Variants in IRAG2 observed in about 807,000 individuals in gnomAD.
The protein encoded by IRAG2 is inositol 1,4,5-triphosphate receptor associated 2, also known as lymphoid restricted membrane protein.
A neutral mutation model predicts 69.9 loss-of-function variants in IRAG2; 45 were observed. The observed-to-expected ratio is 0.64, with a 90% CI of 0.51 to 0.83. The LOEUF (loss-of-function observed/expected upper bound fraction) is 0.83. IRAG2 is among the 40% of genes least tolerant of loss of function. The pLI, the probability that IRAG2 is intolerant of heterozygous loss-of-function variation, is 0.00. For synonymous variants in IRAG2, 193 were observed against 202.4 expected (o/e 0.95, Z 0.40); for missense variants, 520 against 587.0 (o/e 0.89, Z 1.18).
At chr12:25,001,183 A>G (rs1944388909), upstream of IRAG2, among the ~76,000 whole-genome samples, 1 of 152,188 alleles carries the variant, frequency 6.6e-6, no homozygotes, top group African/African-American at 2.4e-5. Flanking sequence ...CTTATCAACC[A>G]CAAAGCAGGG....
chr12:25,039,715 C>A (rs930111317), intron 16 of IRAG2, among the ~76,000 whole-genome samples: 4 of 152,222 alleles, frequency 2.6e-5, no homozygotes, highest in Admixed American at 6.5e-5. Context: ...CAGGCGTGAG[C>A]CACCACACCC....
In IRAG2 at chr12:25,061,644, G is replaced by A; in HGVS notation, c.-394G>A. On this transcript the variant is annotated 5_prime_UTR_variant, in exon 2 of 22. Coordinates refer to ENST00000556887, the MANE Select transcript of IRAG2 (RefSeq NM_001366544.2). The stretch of plus-strand genomic sequence containing the variant: ...TCATTGAAGGGGAACACCATGGCTT[G>A]CTGTTTCAGGTAAAATATCTCTGAT... 2.5e-6 allele frequency: 1 copy of A among 398,610 alleles called. No homozygotes were observed. The highest frequency in any genetic ancestry group is 4.4e-6 in the Non-Finnish European group (1 of 226,050). The allele number at this position is 398,610 out of a possible 1,614,324, so 24.7% of individuals were successfully genotyped here.
intron 8 of IRAG2, among the ~76,000 whole-genome samples, chr12:25,025,454 T>TTA (rs1944613249): frequency 1.3e-5 from 2 of 152,084 alleles, no homozygotes; most frequent in Non-Finnish European, 2.9e-5. Context: ...AGCTGGAGGG[T>TTA]CCAGACACAA....
At chr12:25,054,986 C>T (rs890998079) in intron 1 of IRAG2, among the ~76,000 whole-genome samples, 1 of 152,216 alleles carries the variant, frequency 6.6e-6, no homozygotes, top group Non-Finnish European at 1.5e-5. Context: ...ATTTCTGAGT[C>T]AGACATCTGA....
chr12:25,027,144 A>G (rs189410576), intron 9 of IRAG2, among the ~76,000 whole-genome samples: 6 of 151,970 alleles, frequency 3.9e-5, no homozygotes, highest in Admixed American at 1.3e-4. Flanking sequence ...TTGTACAACC[A>G]TCTCCAAAAT....
At chr12:25,059,792 AAG>A (rs1460530814) in intron 1 of IRAG2, among the ~76,000 whole-genome samples, 37 of 152,352 alleles carry the variant, frequency 2.4e-4, no homozygotes, top group Admixed American at 4.6e-4. Context: ...TACCAAAAAA[AAG>A]TCCTATAAAA....
upstream of IRAG2, among the ~76,000 whole-genome samples, chr12:25,002,917 C>T (rs1481321869): frequency 2.0e-5 from 3 of 152,202 alleles, no homozygotes; most frequent in Admixed American, 2.0e-4. Context: ...GTTGGGATTA[C>T]AGGCGTGAGC....
intron 16 of IRAG2, among the ~76,000 whole-genome samples, chr12:25,044,489 A>C (rs1944776360): frequency 7.8e-6 from 1 of 127,486 alleles, no homozygotes. Flanking sequence ...GAACATATTA[A>C]ATTTTAAAAA....
Position 25,103,890 on chromosome 12 carries a change from T to C in IRAG2, c.987T>C (p.Asn329=), listed in dbSNP as rs769118762. The part of the protein sequence containing the change: ...TIASLPRNIG[N]AGMVAGMENN... Reference sequence around the variant, plus strand: ...CCTCTTTACCCAGAAATATTGGAAATGCAGGAATGGTAAGACAATTCCTAA... The same window carrying C: ...CCTCTTTACCCAGAAATATTGGAAACGCAGGAATGGTAAGACAATTCCTAA... The change falls in exon 18 of 22, where the codon AAT becomes AAC. Residue 329 remains asparagine, a synonymous_variant. Transcript: ENST00000556887. The C allele has an allele frequency of 4.3e-6, 7 of 1,613,006 alleles. No homozygotes were observed. In the Admixed American group the frequency reaches 1.2e-4, roughly 27 times the overall value.
chr12:25,088,681 G>A (rs1056526432), intron 11 of IRAG2, among the ~76,000 whole-genome samples: 1 of 152,126 alleles, frequency 6.6e-6, no homozygotes, highest in African/African-American at 2.4e-5. Context: ...ACACTTAATT[G>A]AGAATATATT....
In IRAG2 at chr12:25,090,069, A is replaced by G. The variant is rs748736289; in HGVS notation, c.478A>G (p.Arg160Gly). ...NEKEVEAEFL[R>G]LSLGFKCDWF... ...ATTTTGACAACAGGCAGAATTTCTC[A>G]GATTATCTTTGGGATTTAAGTGTGA... Residue 160 changes from arginine to glycine, a missense_variant, in exon 14 of 22, where the codon AGA becomes GGA. Arg to Gly is a moderately radical substitution (Grantham distance 125). Transcript: ENST00000556887. The G allele has an allele frequency of 6.2e-7, 1 of 1,613,754 alleles. No homozygotes were observed. The highest frequency in any genetic ancestry group is 8.5e-7 in the Non-Finnish European group (1 of 1,179,864).
intron 14 of IRAG2, among the ~76,000 whole-genome samples, chr12:25,096,186 CA>C (rs1387650969): frequency 1.3e-5 from 2 of 152,282 alleles, no homozygotes; most frequent in East Asian, 3.9e-4. Flanking sequence ...AATTATGATG[CA>C]ATTTACAGTC....
intron 8 of IRAG2, chr12:25,026,754 G>A: frequency 9.8e-7 from 1 of 1,024,752 alleles, no homozygotes; most frequent in Non-Finnish European, 1.3e-6. Context: ...TATTTTTCTT[G>A]GTGCTAAATC....
chr12:25,095,362 C>T (rs1164682590), intron 14 of IRAG2, among the ~76,000 whole-genome samples: 1 of 152,004 alleles, frequency 6.6e-6, no homozygotes, highest in Non-Finnish European at 1.5e-5. Flanking sequence ...AAAGTGTGTT[C>T]AATCTTATCA....
rs562984615 is a variant in IRAG2, at chr12:25,031,230, G to T, written c.1518+896G>T. On this transcript the variant is annotated intron_variant, in intron 10 of 38. Transcript: ENST00000636465. ...TCCTAACTTGATGTCTTCATTGCGG[G>T]TGTTCTCTATGTAATGATATTGCGA... The T allele has an allele frequency of 5.3e-4, 107 of 200,610 alleles. 1 individual carries two copies. Among genetic ancestry groups the T allele is most frequent in the Non-Finnish European group, 6.3e-4 (71 of 112,348 alleles). 12.4% of individuals were successfully genotyped at this position (200,610 alleles called of 1,614,324 possible).
intron 1 of IRAG2, among the ~76,000 whole-genome samples, chr12:25,055,264 T>G (rs1189765624): frequency 6.6e-6 from 1 of 152,250 alleles, no homozygotes; most frequent in Non-Finnish European, 1.5e-5. Context: ...AAGTTTTCAA[T>G]TGCCTTCAGG....
the IRAG2 span, among the ~76,000 whole-genome samples, chr12:24,998,572 T>G: frequency 1.3e-5 from 2 of 152,212 alleles, no homozygotes; most frequent in African/African-American, 4.8e-5. Context: ...TTCCTGGGAA[T>G]GTCTCAGTGA....
At position 25,080,254 on chromosome 12, in the gene IRAG2, T is replaced by A. The variant is rs115543267; in HGVS notation, c.244+491T>A. 8.7e-3 allele frequency among the ~76,000 whole-genome samples: 1,321 copies of A among 152,236 alleles called. 18 individuals are homozygous for A. The highest frequency in any genetic ancestry group is 0.03 in the African/African-American group (1,255 of 41,536). ...AAAACAATGTAGTTATTCTCGACCA[T>A]TCCCAGTGAGACACCACTTTAGTTG... On this transcript the variant is annotated intron_variant, in intron 9 of 21. Coordinates refer to ENST00000556887, the MANE Select transcript of IRAG2 (RefSeq NM_001366544.2).
At chr12:25,030,958 A>C (rs1449927284) in intron 10 of IRAG2, 12 of 879,638 alleles carry the variant, frequency 1.4e-5, no homozygotes, top group Non-Finnish European at 1.6e-5. Flanking sequence ...TTAGATAGAT[A>C]CATAGATAGA....
Sources: allele counts gnomAD v4.1 joint callset (sites outside exome capture counted in the v4.1 genomes callset), GRCh38; gene constraint gnomAD v4.1.1; transcripts MANE v1.5; gene names NCBI Gene and HGNC (gene_info 2026-07-23, HGNC 2026-07-21).